MTF1: variants seen among roughly 807,000 people sequenced by gnomAD.
The protein encoded by MTF1 is metal regulatory transcription factor 1, also known as MRE-binding transcription factor.
Under a neutral mutation model 70.4 loss-of-function variants are expected in MTF1, and 22 were observed. The ratio of observed to expected loss-of-function variants is 0.31; its 90% CI spans 0.22 to 0.45. The LOEUF (loss-of-function observed/expected upper bound fraction) is 0.45, where lower values mean the gene tolerates loss of function less well. MTF1 is among the 20% of genes least tolerant of loss of function. MTF1 has a pLI of 1.00. For missense variants in MTF1, 649 were observed against 922.0 expected (o/e 0.70, Z 3.83); for synonymous variants, 333 against 352.8 (o/e 0.94, Z 0.63).
intron 1 of MTF1, among the ~76,000 whole-genome samples, chr1:37,858,274 C>T (rs1253993569): frequency 2.6e-5 from 4 of 152,180 alleles, no homozygotes; most frequent in Non-Finnish European, 5.9e-5. Flanking sequence ...GTAGAAGGAG[C>T]AAGGCTTTGG....
intron 2 of MTF1, among the ~76,000 whole-genome samples, chr1:37,843,820 G>GT: frequency 6.6e-6 from 1 of 152,174 alleles, no homozygotes; most frequent in Non-Finnish European, 1.5e-5. Context: ...ACCTGTGGTG[G>GT]TAGGGTAGTA....
At chr1:37,838,233 C>A (rs972822062) in intron 4 of MTF1, among the ~76,000 whole-genome samples, 1 of 152,214 alleles carries the variant, frequency 6.6e-6, no homozygotes, top group African/African-American at 2.4e-5. Flanking sequence ...GCTTAAGGCA[C>A]TTTGGCCATC....
At chr1:37,846,386 C>T (rs778985916) in intron 2 of MTF1, among the ~76,000 whole-genome samples, 44 of 146,906 alleles carry the variant, frequency 3.0e-4, no homozygotes, top group Non-Finnish European at 5.1e-4. Flanking sequence ...GAGTGAGACC[C>T]CATTTAAAAA....
intron 8 of MTF1, among the ~76,000 whole-genome samples, chr1:37,823,380 T>C (rs1640948535): frequency 6.6e-6 from 1 of 151,838 alleles, no homozygotes; most frequent in Admixed American, 6.6e-5. Flanking sequence ...AGGTGGAGGT[T>C]GCGGTGAGCT....
intron 7 of MTF1, among the ~76,000 whole-genome samples, chr1:37,830,101 A>G (rs1641064733): frequency 6.6e-6 from 1 of 152,200 alleles, no homozygotes. Flanking sequence ...TATTTAACAC[A>G]GTTACACGTT....
chr1:37,838,797 C>CTCTTT, intron 3 of MTF1, 41 bp from the exon 4 acceptor site: 1 of 473,684 alleles, frequency 2.1e-6, no homozygotes, highest in Non-Finnish European at 2.9e-6. Flanking sequence ...TCATAAAATT[C>CTCTTT]TTTTTTTTTT....
chr1:37,843,472 G>C (rs898138416), intron 2 of MTF1, among the ~76,000 whole-genome samples: 1 of 152,176 alleles, frequency 6.6e-6, no homozygotes, highest in African/African-American at 2.4e-5. Flanking sequence ...TCAGAGAAGA[G>C]ATTTGAGATA....
chr1:37,841,127 A>ACCACCG, intron 2 of MTF1: 1 of 164,900 alleles, frequency 6.1e-6, no homozygotes, highest in South Asian at 1.4e-4. Flanking sequence ...TGAGCTTTTG[A>ACCACCG]AGACTACACC....
At position 37,831,836 on chromosome 1, in the gene MTF1, G is replaced by C. The variant is rs531809450; in HGVS notation, c.1068+409C>G. Among the ~76,000 whole-genome samples, 157 of 152,262 alleles carry C rather than the reference G, an allele frequency of 1.0e-3. 1 individual carries two copies. Among genetic ancestry groups the C allele is most frequent in the African/African-American group, 3.6e-3 (150 of 41,560 alleles). On this transcript the variant is annotated intron_variant, in intron 7 of 10. Coordinates refer to ENST00000373036, the MANE Select transcript of MTF1 (RefSeq NM_005955.3). ...AATGAAAAAGGAAAAGACCAAGCCAGGTCATATAGATAGGATTTGAGAAAG... is the reference window on the plus strand; with the variant it reads ...AATGAAAAAGGAAAAGACCAAGCCACGTCATATAGATAGGATTTGAGAAAG...
chr1:37,849,943 A>G (rs1641390884), intron 2 of MTF1, among the ~76,000 whole-genome samples: 1 of 152,210 alleles, frequency 6.6e-6, no homozygotes, highest in African/African-American at 2.4e-5. Context: ...CGAGACTTGG[A>G]GTAGAAAGGC....
intron 2 of MTF1, among the ~76,000 whole-genome samples, chr1:37,849,267 A>T (rs1456872749): frequency 6.6e-6 from 1 of 152,034 alleles, no homozygotes. Flanking sequence ...CTCTACTAAA[A>T]ATACAAAATT....
intron 2 of MTF1, among the ~76,000 whole-genome samples, chr1:37,857,029 T>C (rs1641508567): frequency 6.6e-6 from 1 of 152,206 alleles, no homozygotes; most frequent in African/African-American, 2.4e-5. Flanking sequence ...GGAAGGAAAT[T>C]CGAGAAATTA....
rs765525976 is a variant in MTF1 at position 37,815,128 on chromosome 1, T to C, written c.*8A>G. On this transcript the variant is annotated 3_prime_UTR_variant, in exon 11 of 11. Transcript: ENST00000373036. The surrounding 1 kb of genome is among the most constrained non-coding windows in gnomAD (Gnocchi z 4.5). ...CGCTTTTCCCAGAGGTGAGCACACA[T>C]GGGCCCTTCACTTGGAGAAGCTGCT... 3 of 1,613,390 alleles carry C rather than the reference T, an allele frequency of 1.9e-6. No homozygotes were observed. The highest frequency in any genetic ancestry group is 2.5e-6 in the Non-Finnish European group (3 of 1,179,602).
chr1:37,830,945 T>A (rs1188856269), intron 7 of MTF1, among the ~76,000 whole-genome samples: 1 of 152,222 alleles, frequency 6.6e-6, no homozygotes, highest in African/African-American at 2.4e-5. Flanking sequence ...CCAGGTGCTG[T>A]GGCCACCCTG....
chr1:37,851,365 A>C (rs1641416343), intron 2 of MTF1, among the ~76,000 whole-genome samples: 1 of 152,248 alleles, frequency 6.6e-6, no homozygotes, highest in African/African-American at 2.4e-5. Context: ...TATGATTATC[A>C]ATGATCTGAA....
chr1:37,844,065 T>C (rs1204269104), intron 2 of MTF1, among the ~76,000 whole-genome samples: 2 of 152,228 alleles, frequency 1.3e-5, no homozygotes, highest in Non-Finnish European at 2.9e-5. Flanking sequence ...TTGCAGTCAT[T>C]TGTTGCCAGA....
rs985337089 is a variant in MTF1, at chr1:37,813,870, C to T, written c.*1266G>A. On this transcript the variant is annotated 3_prime_UTR_variant, in exon 11 of 11. Transcript: ENST00000373036. ...TATAACACACACACACAATTTTTTC[C>T]TATAACACAACTTAATGAAACATTC... 1 of 152,666 alleles carries T rather than the reference C, an allele frequency of 6.6e-6. No homozygotes were observed. The highest frequency in any genetic ancestry group is 2.4e-5 in the African/African-American group (1 of 41,470). The allele number at this position is 152,666 out of a possible 1,614,324, so 9.5% of individuals were successfully genotyped here.
intron 10 of MTF1, among the ~76,000 whole-genome samples, chr1:37,816,176 T>C (rs1177153430): frequency 6.6e-6 from 1 of 152,232 alleles, no homozygotes; most frequent in African/African-American, 2.4e-5. Context: ...CTTTCTCTCA[T>C]GTGTTGTACG....
Position 37,817,326 on chromosome 1 carries a change from A to G in MTF1, c.1831+93T>C, listed in dbSNP as rs576673383. 1.1e-4 allele frequency: 86 copies of G among 796,980 alleles called. No homozygotes were observed. The African/African-American group carries it at 1.2e-3, about 11-fold the overall frequency. The allele number at this position is 796,980 out of a possible 1,614,324, so 49.4% of individuals were successfully genotyped here. A position where few individuals can be genotyped will look rare whatever the true frequency, so the allele number is the denominator to read the frequency against. On this transcript the variant is annotated intron_variant, in intron 10 of 10. Coordinates refer to ENST00000373036, the MANE Select transcript of MTF1 (RefSeq NM_005955.3). ...TAACTGAGGCTGTTTAAAGATTTTT[A>G]AAGTTTTAGAAACTGGGACAAAGCA...
Sources: allele counts gnomAD v4.1 joint callset (sites outside exome capture counted in the v4.1 genomes callset), GRCh38; gene constraint gnomAD v4.1.1; non-coding constraint Gnocchi (gnomAD v3.1); transcripts MANE v1.5; gene names NCBI Gene and HGNC (gene_info 2026-07-23, HGNC 2026-07-21).